The following FAM161B variants were observed in gnomAD, a reference collection of about 807,000 sequenced individuals.
FAM161B encodes the protein protein FAM161B.
In FAM161B, 46 loss-of-function variants were observed where a neutral mutation model predicts 61.5. The observed-to-expected ratio is 0.75, with a 90% CI of 0.59 to 0.96. The LOEUF (loss-of-function observed/expected upper bound fraction) is 0.96. FAM161B is among the 40% of genes least tolerant of loss of function. The pLI, the probability that FAM161B is intolerant of heterozygous loss-of-function variation, is 0.00. For synonymous variants in FAM161B, 284 were observed against 302.7 expected, an observed-to-expected ratio of 0.94 and a Z score of 0.64; for missense variants, 774 against 800.7, an observed-to-expected ratio of 0.97 and a Z score of 0.40.
At chr14:73,934,833 G>A (rs1339167577) in intron 8 of FAM161B, among the ~76,000 whole-genome samples, 2 of 152,078 alleles carry the variant, frequency 1.3e-5, no homozygotes, top group African/African-American at 2.4e-5. Flanking sequence ...TGAATCACGA[G>A]GTCAAGAGAT....
intron 6 of FAM161B, 95 bp from the exon 7 acceptor site, chr14:73,937,796 T>C (rs767951952): frequency 2.7e-5 from 42 of 1,530,326 alleles, no homozygotes; most frequent in Middle Eastern, 3.4e-4. Context: ...GTGTACACTG[T>C]AAATTCCTAT....
chr14:73,946,512 A>G lies in FAM161B; in HGVS notation c.148T>C (p.Phe50Leu). Residue 50 changes from phenylalanine to leucine, a missense_variant, in exon 2 of 9, where the codon TTC (phenylalanine) becomes CTC (leucine). Physicochemically the swap from Phe to Leu is conservative, Grantham distance 22. Coordinates refer to ENST00000286544, the MANE Select transcript of FAM161B (RefSeq NM_152445.3). ...VLPRASKLDE[F>L]LSPEEEIDST... The stretch of plus-strand genomic sequence containing the variant: ...TCTATCTCCTCCTCTGGGCTGAGGA[A>G]CTCGTCAAGTTTGCTGGCCCTGGGC... 1 of 1,614,046 alleles carries G rather than the reference A, an allele frequency of 6.2e-7. No individual in the cohort carries two copies. The highest frequency in any genetic ancestry group is 8.5e-7 in the Non-Finnish European group (1 of 1,179,996).
the FAM161B span, among the ~76,000 whole-genome samples, chr14:73,925,771 C>A: frequency 2.0e-5 from 3 of 152,152 alleles, no homozygotes; most frequent in Non-Finnish European, 4.4e-5. Context: ...GTGGCCCATG[C>A]CTATAATCCC....
At chr14:73,924,568 C>T in the FAM161B span, 2 of 366,652 alleles carry the variant, frequency 5.5e-6, no homozygotes, top group African/African-American at 2.2e-5. Flanking sequence ...TGGATGACTT[C>T]ATCACGAGCA....
In FAM161B at chr14:73,942,596, G is replaced by C; in HGVS notation, c.1045C>G (p.Arg349Gly). ...RANPQPRTAT[R>G]TQQEKLGFLH... ...AACCCAAGCTTTTCCTGCTGGGTTC[G>C]GGTGGCTGTGCGGGGCTGTGGGTTA... The change falls in exon 4 of 9, where the codon CGA becomes GGA. Residue 349 changes from arginine to glycine, a missense_variant. By Grantham distance (125) the Arg-to-Gly change is moderately radical. Transcript: ENST00000286544. 2 of 1,614,198 alleles carry C rather than the reference G, an allele frequency of 1.2e-6. No homozygotes were observed. Among genetic ancestry groups the C allele is most frequent in the Non-Finnish European group, 1.7e-6 (2 of 1,180,026 alleles).
At chr14:73,949,090 T>G (rs1004796664) in intron 1 of FAM161B, among the ~76,000 whole-genome samples, 1 of 141,054 alleles carries the variant, frequency 7.1e-6, no homozygotes, top group Non-Finnish European at 1.6e-5. Context: ...AGATAATTTT[T>G]TGTATTTTTT....
chr14:73,928,487 G>A (rs2055866468), downstream of FAM161B, among the ~76,000 whole-genome samples: 1 of 152,184 alleles, frequency 6.6e-6, no homozygotes, highest in Non-Finnish European at 1.5e-5. Flanking sequence ...ATGGTTTGAA[G>A]TAGGGTATGA....
rs1011200759 is a variant in FAM161B, at chr14:73,938,677, C to G, written c.1401-565G>C. Reference sequence around the variant, plus strand: ...GTCCCAGCTACTCGGGAGGCTGAGGCAGGAGAATGGCATGAACCTGGGAGG... The same window carrying G: ...GTCCCAGCTACTCGGGAGGCTGAGGGAGGAGAATGGCATGAACCTGGGAGG... On this transcript the variant is annotated intron_variant, in intron 5 of 8. Transcript: ENST00000286544. 5.9e-5 allele frequency among the ~76,000 whole-genome samples: 9 copies of G among 151,958 alleles called. No homozygotes were observed. In the East Asian group the frequency reaches 1.7e-3, roughly 29 times the overall value.
rs1398165342 is a variant in FAM161B at position 73,938,045 on chromosome 14, A to G, written c.1468T>C (p.Ser490Pro). Residue 490 changes from serine (S) to proline (P), a missense_variant, in exon 6 of 9, where the codon TCT becomes CCT. Coordinates refer to ENST00000286544, the MANE Select transcript of FAM161B (RefSeq NM_152445.3). The part of the protein sequence containing the change: ...IQWLEIHKKK[S>P]QAMSKSVTLR... Reference sequence around the variant, plus strand: ...GTCACAGATTTGGACATTGCTTGAGACTTCTTTTTGTGTATCTCCAGCCAC... The same window carrying G: ...GTCACAGATTTGGACATTGCTTGAGGCTTCTTTTTGTGTATCTCCAGCCAC... 3.1e-6 allele frequency: 5 copies of G among 1,613,728 alleles called. No homozygotes were observed. Among genetic ancestry groups the G allele is most frequent in the African/African-American group, 1.3e-5 (1 of 74,808 alleles).
chr14:73,935,942 A>G lies in FAM161B; in HGVS notation c.1805+7T>C. 6.2e-7 allele frequency: 1 copy of G among 1,605,600 alleles called. No homozygotes were observed. On this transcript the variant is annotated splice_region_variant and intron_variant, in intron 8 of 8. Coordinates refer to ENST00000286544, the MANE Select transcript of FAM161B (RefSeq NM_152445.3). ...AGCTGCAGAATGACAGCAACATTTC[A>G]GGTTACCTGGGAAAATCCTTGATTT...
chr14:73,950,073 C>A lies in FAM161B; in HGVS notation c.-47G>T, dbSNP rs770361709. The A allele has an allele frequency of 6.2e-7, 1 of 1,605,728 alleles. No individual in the cohort carries two copies. The highest frequency in any genetic ancestry group is 1.7e-5 in the Admixed American group (1 of 59,890). ...GCGACAGTGACAGCGATAGTGGCAG[C>A]AGCGGTGGCAGCGAGAGCTATGCGG... is the stretch of plus-strand genomic sequence containing the variant. On this transcript the variant is annotated 5_prime_UTR_variant, in exon 1 of 9. Coordinates refer to ENST00000286544, the MANE Select transcript of FAM161B (RefSeq NM_152445.3).
At chr14:73,923,456 G>A in the FAM161B span, 10 of 1,613,894 alleles carry the variant, frequency 6.2e-6, no homozygotes, top group Non-Finnish European at 7.6e-6. Context: ...CACATCACCT[G>A]GTGACCATGC....
chr14:73,941,838 T>C (rs1318348863), intron 4 of FAM161B, among the ~76,000 whole-genome samples: 1 of 152,166 alleles, frequency 6.6e-6, no homozygotes, highest in Non-Finnish European at 1.5e-5. Context: ...CTGAAGTAGC[T>C]GGGATTACAG....
chr14:73,949,892 T>G (rs998175397), intron 1 of FAM161B, 81 bp downstream of exon 1: 1 of 1,572,218 alleles, frequency 6.4e-7, no homozygotes, highest in Non-Finnish European at 8.6e-7. Context: ...GACACGCCCC[T>G]GCTGTCTGTC....
chr14:73,944,763 G>A lies in FAM161B; in HGVS notation c.497C>T (p.Ala166Val), dbSNP rs2056051713. The change falls in exon 3 of 9, where the codon GCA (alanine) becomes GTA (valine). Residue 166 changes from alanine to valine, a missense_variant. By Grantham distance (64) the Ala-to-Val change is moderately conservative. Coordinates refer to ENST00000286544, the MANE Select transcript of FAM161B (RefSeq NM_152445.3). ...TGGCCGAGGGACAGTAATGGATGAT[G>A]CCCAGGAGCTGACGCTTCTGTGCTG... ...PSQHRSVSSW[A>V]SSITVPRPFR... is the part of the protein sequence containing the mutation. 1.3e-6 allele frequency: 2 copies of A among 1,593,862 alleles called. No homozygotes were observed. The highest frequency in any genetic ancestry group is 1.7e-6 in the Non-Finnish European group (2 of 1,167,498).
At chr14:73,928,441 CATG>C (rs953587794), downstream of FAM161B, among the ~76,000 whole-genome samples, 1 of 152,156 alleles carries the variant, frequency 6.6e-6, no homozygotes, top group Non-Finnish European at 1.5e-5. Context: ...TCTTACAAGG[CATG>C]ATTTTATCCT....
At chr14:73,945,024 T>C (rs918246160) in intron 2 of FAM161B, 139 bp from the exon 3 acceptor site, 1 of 589,646 alleles carries the variant, frequency 1.7e-6, no homozygotes, top group Non-Finnish European at 2.6e-6. Flanking sequence ...CAGGCCTCTA[T>C]GTCCATGACC....
intron 5 of FAM161B, among the ~76,000 whole-genome samples, chr14:73,940,163 A>G (rs1326149448): frequency 1.3e-5 from 2 of 152,192 alleles, no homozygotes; most frequent in African/African-American, 4.8e-5. Flanking sequence ...CTGTTACACC[A>G]TGACCTCTCT....
Position 73,934,274 on chromosome 14 carries a change from A to AT in FAM161B, c.1925dup (p.Asn642LysfsTer20). 1 of 1,612,426 alleles carries AT rather than the reference A, an allele frequency of 6.2e-7. No homozygotes were observed. The highest frequency in any genetic ancestry group is 8.5e-7 in the Non-Finnish European group (1 of 1,179,604). On this transcript the variant is annotated frameshift_variant, in exon 9 of 9. Transcript: ENST00000286544. LOFTEE classifies it high-confidence loss of function. ...GTAGTGATTAAGCAAGTGATACGAG[A>AT]TTTTCTGGTGACTGATGAGACAGCT...
Sources: allele counts gnomAD v4.1 joint callset (sites outside exome capture counted in the v4.1 genomes callset), GRCh38; gene constraint gnomAD v4.1.1; transcripts MANE v1.5; gene names NCBI Gene and HGNC (gene_info 2026-07-23, HGNC 2026-07-21).